The following NRXN1 variants were observed in gnomAD, a reference collection of about 807,000 sequenced individuals.
NRXN1 encodes neurexin 1.
A neutral mutation model predicts 150.9 loss-of-function variants in NRXN1; 39 were observed. The ratio of observed to expected loss-of-function variants is 0.26; its 90% CI spans 0.20 to 0.34. NRXN1 has a LOEUF of 0.34. Ranked by LOEUF, NRXN1 falls within the 10% of genes least tolerant of loss-of-function variation. The probability of loss-of-function intolerance (pLI) is 1.00; values close to 1 mark genes in which losing one functional copy is unlikely to be tolerated. For missense variants in NRXN1, 1,815 were observed against 1,949.9 expected, an observed-to-expected ratio of 0.93 and a Z score of 1.30; for synonymous variants, 924 against 757.0, an observed-to-expected ratio of 1.22 and a Z score of -3.62.
intron 5 of NRXN1, chr2:50,917,598 G>A (rs1048673741): frequency 6.6e-6 from 1 of 151,748 alleles, no homozygotes; most frequent in Non-Finnish European, 1.5e-5. Context: ...TGAGGGCAGA[G>A]CCTTTATGAA....
rs768559185 is a variant in NRXN1 at position 50,346,703 on chromosome 2, G to C, written c.3365-109733C>G. 1 of 1,613,418 alleles carries C rather than the reference G, an allele frequency of 6.2e-7. No homozygotes were observed. Among genetic ancestry groups the C allele is most frequent in the Non-Finnish European group, 8.5e-7 (1 of 1,179,610 alleles). ...ATCGCAGACCCACCGTGTCCGCCTC[G>C]CAAGGATGCCGGTGACCTGTAGATT... On this transcript the variant is annotated intron_variant, in intron 17 of 22. Transcript: ENST00000401669. The surrounding 1 kb of genome is among the most constrained non-coding windows in gnomAD (Gnocchi z 5.0).
intron 8 of NRXN1, among the ~76,000 whole-genome samples, chr2:50,564,027 T>C (rs1204200005): frequency 1.3e-5 from 2 of 152,214 alleles, no homozygotes; most frequent in Non-Finnish European, 2.9e-5. Flanking sequence ...ATAAGTTTGT[T>C]CTGTAATTTT....
rs59921941 is a variant in NRXN1, at chr2:50,107,539, A to ATATAT, written c.3547-16046_3547-16045insATATA. Among the ~76,000 whole-genome samples the ATATAT allele has an allele frequency of 5.0e-3, 652 of 129,858 alleles. 9 individuals carry two copies. The highest frequency in any genetic ancestry group is 0.017 in the African/African-American group (589 of 34,144). 85.2% of individuals were successfully genotyped at this position (129,858 alleles called of 152,430 possible). A position where few individuals can be genotyped will look rare whatever the true frequency, so the allele number is the denominator to read the frequency against. ...AGACTACATATATATATATATATAT[A>ATATAT]TTTTTTTTTTTTACCCAAGTACTAC... On this transcript the variant is annotated intron_variant, in intron 18 of 22. Coordinates refer to ENST00000401669, the MANE Select transcript of NRXN1 (RefSeq NM_001330078.2).
intron 5 of NRXN1, among the ~76,000 whole-genome samples, chr2:50,902,068 T>C (rs1559416566): frequency 6.6e-6 from 1 of 152,082 alleles, no homozygotes. Flanking sequence ...AGAAAGTGAG[T>C]GTAATAATGT....
chr2:50,434,335 G>T (rs2085250128), intron 17 of NRXN1, among the ~76,000 whole-genome samples: 1 of 151,906 alleles, frequency 6.6e-6, no homozygotes, highest in Non-Finnish European at 1.5e-5. Flanking sequence ...GCCTACCTCG[G>T]CCTCCCACAG....
At position 50,032,996 on chromosome 2, in the gene NRXN1, A is replaced by G. The variant is rs556987296; in HGVS notation, c.4128+20275T>C. Among the ~76,000 whole-genome samples the G allele has an allele frequency of 6.6e-5, 10 of 151,814 alleles. No homozygotes were observed. The South Asian group carries it at 1.5e-3, about 22-fold the overall frequency. On this transcript the variant is annotated intron_variant, in intron 21 of 22. Transcript: ENST00000401669. ...TTTATATACTGTGTATACACATTAT[A>G]TATATATTTTGTTATATATACATGT...
At chr2:50,017,934 T>C (rs1318883486) in intron 21 of NRXN1, among the ~76,000 whole-genome samples, 1 of 152,188 alleles carries the variant, frequency 6.6e-6, no homozygotes, top group Non-Finnish European at 1.5e-5. Context: ...TTTCCCAGAA[T>C]GTTATTTAAT....
chr2:49,974,289 G>C, intron 21 of NRXN1: 6 of 551,126 alleles, frequency 1.1e-5, no homozygotes, highest in South Asian at 9.1e-5. Flanking sequence ...TGCAGTTGAC[G>C]AGGCTGTTGG....
chr2:50,679,071 C>A (rs1359825278), intron 5 of NRXN1, among the ~76,000 whole-genome samples: 1 of 151,974 alleles, frequency 6.6e-6, no homozygotes, highest in African/African-American at 2.4e-5. Context: ...CATGTACAGG[C>A]ACATGCTTAA....
intron 8 of NRXN1, chr2:50,615,284 G>A (rs1360433406): frequency 6.6e-6 from 1 of 151,972 alleles, no homozygotes; most frequent in Non-Finnish European, 1.5e-5. Context: ...CCTCACACAG[G>A]CAGTGTCTCC....
intron 5 of NRXN1, among the ~76,000 whole-genome samples, chr2:50,915,679 G>T (rs1206138696): frequency 6.6e-6 from 1 of 151,390 alleles, no homozygotes; most frequent in Non-Finnish European, 1.5e-5. Flanking sequence ...ATGATGGAAA[G>T]AAGATATTAA....
At chr2:50,644,230 A>G (rs1464980139) in intron 5 of NRXN1, among the ~76,000 whole-genome samples, 2 of 151,776 alleles carry the variant, frequency 1.3e-5, no homozygotes, top group African/African-American at 4.8e-5. Context: ...AATCTAGTCA[A>G]TAACTTTTGC....
At chr2:50,128,489 T>C (rs72878160) in intron 18 of NRXN1, among the ~76,000 whole-genome samples, 7,403 of 152,164 alleles carry the variant, frequency 0.049, 597 homozygotes, top group African/African-American at 0.17. Flanking sequence ...GTTTAAATTA[T>C]AAATATTTAC....
In NRXN1 at chr2:50,529,505, T is replaced by C. The variant is rs182116369; in HGVS notation, c.2348-854A>G. 3.3e-5 allele frequency among the ~76,000 whole-genome samples: 5 copies of C among 152,308 alleles called. No homozygotes were observed. The East Asian group carries it at 7.7e-4, about 23-fold the overall frequency. ...TATAGTGGTTATTTTTAAAAGACTG[T>C]AGGATGTTTCATATTTATTTTATAT... is the stretch of plus-strand genomic sequence containing the variant. On this transcript the variant is annotated intron_variant, in intron 11 of 22. Coordinates refer to ENST00000401669, the MANE Select transcript of NRXN1 (RefSeq NM_001330078.2).
chr2:50,274,973 C>T (rs2070247544), intron 17 of NRXN1, among the ~76,000 whole-genome samples: 1 of 152,222 alleles, frequency 6.6e-6, no homozygotes, highest in East Asian at 1.9e-4. Context: ...TGTCAGATAG[C>T]TTAGAAGACT....
At chr2:50,563,311 A>G (rs1669380823) in intron 8 of NRXN1, among the ~76,000 whole-genome samples, 1 of 152,244 alleles carries the variant, frequency 6.6e-6, no homozygotes, top group African/African-American at 2.4e-5. Context: ...CAATTTTATC[A>G]TATCAGAGAA....
chr2:50,038,666 A>T (rs898162788), intron 21 of NRXN1, among the ~76,000 whole-genome samples: 5 of 152,162 alleles, frequency 3.3e-5, no homozygotes, highest in African/African-American at 7.2e-5. Flanking sequence ...ATTTGGGGAT[A>T]ATTTGTTATA....
intron 5 of NRXN1, among the ~76,000 whole-genome samples, chr2:50,720,377 T>C (rs1297266820): frequency 6.6e-6 from 1 of 152,088 alleles, no homozygotes; most frequent in Non-Finnish European, 1.5e-5. Flanking sequence ...AAGGTCGCGC[T>C]GCATCTTCCA....
At position 50,125,849 on chromosome 2, in the gene NRXN1, C is replaced by T. The variant is rs114901742; in HGVS notation, c.3547-34355G>A. On this transcript the variant is annotated intron_variant, in intron 18 of 22. Coordinates refer to ENST00000401669, the MANE Select transcript of NRXN1 (RefSeq NM_001330078.2). ...GAACCTGCATATTTTTTGGAGGTTGCCTTTTTGCAGGAGTTGAAACTATTC... is the reference window on the plus strand; with the variant it reads ...GAACCTGCATATTTTTTGGAGGTTGTCTTTTTGCAGGAGTTGAAACTATTC... Among the ~76,000 whole-genome samples the T allele has an allele frequency of 5.4e-3, 826 of 152,030 alleles. 4 individuals are homozygous for T. The highest frequency in any genetic ancestry group is 8.4e-3 in the Non-Finnish European group (573 of 67,910).
Sources: allele counts gnomAD v4.1 joint callset (sites outside exome capture counted in the v4.1 genomes callset), GRCh38; gene constraint gnomAD v4.1.1; non-coding constraint Gnocchi (gnomAD v3.1); transcripts MANE v1.5; gene names NCBI Gene and HGNC (gene_info 2026-07-23, HGNC 2026-07-21).